TENT5B: variants seen among roughly 807,000 people sequenced by gnomAD.
TENT5B encodes the protein terminal nucleotidyltransferase 5B.
A neutral mutation model predicts 21.7 loss-of-function variants in TENT5B; 12 were observed. That is an observed-to-expected ratio of 0.55 (90% CI 0.36 to 0.90). The LOEUF is 0.90. TENT5B is among the 40% of genes least tolerant of loss of function. The probability of loss-of-function intolerance (pLI) is 0.01; values close to 1 mark genes in which losing one functional copy is unlikely to be tolerated. For synonymous variants in TENT5B, 262 were observed against 266.6 expected (o/e 0.98, Z 0.17); for missense variants, 540 against 601.5 (o/e 0.90, Z 1.07).
Position 27,006,768 on chromosome 1 carries a change from G to C in TENT5B, c.454C>G (p.Leu152Val). Residue 152 changes from leucine (L) to valine (V), a missense_variant, in exon 2 of 2, where the codon CTA (leucine) becomes GTA (valine). By Grantham distance (32) the Leu-to-Val change is conservative. Coordinates refer to ENST00000289166, the MANE Select transcript of TENT5B (RefSeq NM_052943.4). The surrounding 1 kb of genome is among the most constrained non-coding windows in gnomAD (Gnocchi z 9.4). Reference protein sequence around the residue: ...LTKAVVLACLLDFLPAGVSRA... With the variant: ...LTKAVVLACLVDFLPAGVSRA... ...CTCACACCGGCCGGCAGGAAGTCTA[G>C]TAGGCAGGCCAGCACCACTGCCTTG... 6.2e-7 allele frequency: 1 copy of C among 1,614,102 alleles called. No homozygotes were observed. Among genetic ancestry groups the C allele is most frequent in the Non-Finnish European group, 8.5e-7 (1 of 1,180,036 alleles).
Position 27,012,507 on chromosome 1 carries a change from G to T in TENT5B, c.164C>A (p.Pro55Gln). The T allele has an allele frequency of 1.2e-6, 2 of 1,608,064 alleles. No homozygotes were observed. The highest frequency in any genetic ancestry group is 8.5e-7 in the Non-Finnish European group (1 of 1,179,460). ...AAGAGCGTCCAGTCGCTTCACCTGTGGCCAGCTCAGCCCACTCAGGTGCCG... is the reference window on the plus strand; with the variant it reads ...AAGAGCGTCCAGTCGCTTCACCTGTTGCCAGCTCAGCCCACTCAGGTGCCG... ...PGRHLSGLSW[P>Q]QVKRLDALLS... Residue 55 changes from proline (P) to glutamine (Q), a missense_variant, in exon 1 of 2, where the codon CCA (proline) becomes CAA (glutamine). Transcript: ENST00000289166.
chr1:27,012,804 A>T lies in TENT5B; in HGVS notation c.-134T>A. The T allele has an allele frequency of 8.4e-7, 1 of 1,188,200 alleles. No individual in the cohort carries two copies. Among genetic ancestry groups the T allele is most frequent in the Non-Finnish European group, 1.1e-6 (1 of 905,026 alleles). The allele number at this position is 1,188,200 out of a possible 1,614,324, so 73.6% of individuals were successfully genotyped here. Reference sequence around the variant, plus strand: ...CGGGGCGGCAACGACGGCGAGACAAAGCCAGGGAACACCTCAGACGGCGAC... The same window carrying T: ...CGGGGCGGCAACGACGGCGAGACAATGCCAGGGAACACCTCAGACGGCGAC... On this transcript the variant is annotated 5_prime_UTR_variant, in exon 1 of 2. Transcript: ENST00000289166.
At position 27,005,938 on chromosome 1, in the gene TENT5B, T is replaced by G. The variant is rs2082594372; in HGVS notation, c.*6A>C. The G allele has an allele frequency of 1.3e-6, 2 of 1,550,314 alleles. No homozygotes were observed. The highest frequency in any genetic ancestry group is 8.7e-7 in the Non-Finnish European group (1 of 1,144,490). On this transcript the variant is annotated 3_prime_UTR_variant, in exon 2 of 2. Coordinates refer to ENST00000289166, the MANE Select transcript of TENT5B (RefSeq NM_052943.4). ...CCAGTCCCTTCCCTTCTGGCCAGGG[T>G]CTGAGTCAGTTACAAGGCAGCCAGG...
In TENT5B at chr1:27,012,704, G is replaced by C. The variant is rs775918408; in HGVS notation, c.-34C>G. 9.7e-6 allele frequency: 14 copies of C among 1,445,538 alleles called. No homozygotes were observed. The Middle Eastern group carries it at 1.2e-3, about 128-fold the overall frequency. 89.5% of individuals were successfully genotyped at this position (1,445,538 alleles called of 1,614,324 possible). A position where few individuals can be genotyped will look rare whatever the true frequency, so the allele number is the denominator to read the frequency against. On this transcript the variant is annotated 5_prime_UTR_variant, in exon 1 of 2. Transcript: ENST00000289166. ...CCCCCGGGCCCCGACGGCAGAAACC[G>C]TGGGGGTGGTTAAGGGGAGGAGGAC...
chr1:27,007,751 T>G (rs920232817), intron 1 of TENT5B, among the ~76,000 whole-genome samples: 5 of 152,194 alleles, frequency 3.3e-5, no homozygotes, highest in African/African-American at 1.2e-4. Flanking sequence ...TCAGGCACTG[T>G]GCTAACTGCT....
chr1:27,010,019 C>T (rs776396440), intron 1 of TENT5B, among the ~76,000 whole-genome samples: 4 of 152,254 alleles, frequency 2.6e-5, no homozygotes, highest in Non-Finnish European at 4.4e-5. Flanking sequence ...CACTCTGCTC[C>T]AGGCTGCTGC....
At chr1:27,009,826 G>T (rs1403319187) in intron 1 of TENT5B, among the ~76,000 whole-genome samples, 1 of 152,248 alleles carries the variant, frequency 6.6e-6, no homozygotes, top group East Asian at 1.9e-4. Flanking sequence ...AGCTGTGTCA[G>T]CCAGCCAGTC....
chr1:27,006,115 A>C lies in TENT5B; in HGVS notation c.1107T>G (p.Ile369Met), dbSNP rs2082596782. 1 of 1,608,784 alleles carries C rather than the reference A, an allele frequency of 6.2e-7. No individual in the cohort carries two copies. Among genetic ancestry groups the C allele is most frequent in the South Asian group, 1.1e-5 (1 of 90,760 alleles). ...NHERRQTLDL[I>M]AALALQALAE... ...CCAGTGCCTGCAGCGCCAGTGCGGC[A>C]ATGAGGTCCAGCGTCTGGCGGCGCT... is the stretch of plus-strand genomic sequence containing the variant. Residue 369 changes from isoleucine to methionine, a missense_variant, in exon 2 of 2, where the codon ATT becomes ATG. By Grantham distance (10) the Ile-to-Met change is conservative (BLOSUM62 1). Coordinates refer to ENST00000289166, the MANE Select transcript of TENT5B (RefSeq NM_052943.4). The surrounding 1 kb of genome is among the most constrained non-coding windows in gnomAD (Gnocchi z 9.4).
intron 1 of TENT5B, among the ~76,000 whole-genome samples, chr1:27,011,309 G>C (rs1307537062): frequency 6.6e-6 from 1 of 152,150 alleles, no homozygotes; most frequent in African/African-American, 2.4e-5. Context: ...GGAGGCAGGG[G>C]AAAGGCCTAC....
At position 27,006,376 on chromosome 1, in the gene TENT5B, G is replaced by C; in HGVS notation, c.846C>G (p.Tyr282Ter). ...EEIRGGGLLK[Y>*]CHLLVRGFRP... ...GGAAGCCCCGCACCAGGAGGTGGCA[G>C]TACTTGAGGAGGCCACCACCTCGGA... The change falls in exon 2 of 2, where the codon TAC (tyrosine) becomes TAG (stop). Residue 282 changes from tyrosine to a stop codon, truncating the protein, a stop_gained. Coordinates refer to ENST00000289166, the MANE Select transcript of TENT5B (RefSeq NM_052943.4). LOFTEE classifies it high-confidence loss of function. This position sits in a 1 kb window ranked among gnomAD's most constrained non-coding sequence, Gnocchi z 9.4. The C allele has an allele frequency of 6.2e-7, 1 of 1,612,402 alleles. No individual in the cohort carries two copies. Among genetic ancestry groups the C allele is most frequent in the Non-Finnish European group, 8.5e-7 (1 of 1,179,380 alleles).
At chr1:27,012,073 G>A (rs976611587) in intron 1 of TENT5B, among the ~76,000 whole-genome samples, 5 of 152,122 alleles carry the variant, frequency 3.3e-5, no homozygotes, top group Non-Finnish European at 5.9e-5. Context: ...CCCACCCAGG[G>A]CCACCTGGCG....
rs2124203632 is a variant in TENT5B at position 27,006,466 on chromosome 1, C to T, written c.756G>A (p.Gly252=). Residue 252 remains glycine (G), a synonymous_variant, in exon 2 of 2, where the codon GGG becomes GGA. Coordinates refer to ENST00000289166, the MANE Select transcript of TENT5B (RefSeq NM_052943.4). The surrounding 1 kb of genome is among the most constrained non-coding windows in gnomAD (Gnocchi z 9.4). ...GGTGCTCCAGGGCCTCGGTGAAGTC[C>T]CCGTACAGGCTTTCGCCTGTGACCG... ...HPTVTGESLY[G]DFTEALEHLR... is the part of the protein sequence containing the mutation. 1.9e-6 allele frequency: 3 copies of T among 1,613,954 alleles called. No individual in the cohort carries two copies. The highest frequency in any genetic ancestry group is 2.5e-6 in the Non-Finnish European group (3 of 1,179,972).
Position 27,012,495 on chromosome 1 carries a change from C to T in TENT5B, c.176G>A (p.Arg59Gln). Residue 59 changes from arginine (R) to glutamine (Q), a missense_variant, in exon 1 of 2, where the codon CGA becomes CAA. Physicochemically the swap from Arg to Gln is conservative, Grantham distance 43 (BLOSUM62 1). Coordinates refer to ENST00000289166, the MANE Select transcript of TENT5B (RefSeq NM_052943.4). ...CGGCTCGCTCAGAAGAGCGTCCAGT[C>T]GCTTCACCTGTGGCCAGCTCAGCCC... ...LSGLSWPQVK[R>Q]LDALLSEPIP... 1.2e-6 allele frequency: 2 copies of T among 1,609,332 alleles called. No homozygotes were observed. The highest frequency in any genetic ancestry group is 1.7e-6 in the Non-Finnish European group (2 of 1,179,552).
intron 1 of TENT5B, among the ~76,000 whole-genome samples, chr1:27,007,346 C>T (rs2082605715): frequency 6.6e-6 from 1 of 151,580 alleles, no homozygotes; most frequent in African/African-American, 2.4e-5. Flanking sequence ...AGCTCAAAGG[C>T]AAACAGCTGG....
rs1438838013 is a variant in TENT5B, at chr1:27,006,445, C to T, written c.777G>A (p.Glu259=). ...SLYGDFTEAL[E]HLRHRVIATR... is the part of the protein sequence containing the mutation. Reference sequence around the variant, plus strand: ...TGGCGATGACACGGTGCCGCAGGTGCTCCAGGGCCTCGGTGAAGTCCCCGT... The same window carrying T: ...TGGCGATGACACGGTGCCGCAGGTGTTCCAGGGCCTCGGTGAAGTCCCCGT... Residue 259 remains glutamate, a synonymous_variant, in exon 2 of 2, where the codon GAG becomes GAA. Coordinates refer to ENST00000289166, the MANE Select transcript of TENT5B (RefSeq NM_052943.4). This position sits in a 1 kb window ranked among gnomAD's most constrained non-coding sequence, Gnocchi z 9.4. The T allele has an allele frequency of 1.2e-6, 2 of 1,613,652 alleles. No homozygotes were observed. The highest frequency in any genetic ancestry group is 2.2e-5 in the South Asian group (2 of 91,068).
chr1:27,007,825 C>A (rs1557703177), intron 1 of TENT5B, among the ~76,000 whole-genome samples: 2 of 152,098 alleles, frequency 1.3e-5, no homozygotes, highest in South Asian at 4.1e-4. Flanking sequence ...CCCCATAATC[C>A]TACATTTGAG....
At chr1:27,007,626 G>A (rs989471841) in intron 1 of TENT5B, among the ~76,000 whole-genome samples, 18 of 152,098 alleles carry the variant, frequency 1.2e-4, no homozygotes, top group South Asian at 1.0e-3. Context: ...TCCTGACCTC[G>A]TGATCCACAC....
At chr1:27,008,906 C>CTT (rs71582831) in intron 1 of TENT5B, among the ~76,000 whole-genome samples, 36 of 124,946 alleles carry the variant, frequency 2.9e-4, no homozygotes, top group Middle Eastern at 4.8e-3. Flanking sequence ...CAGGCCAAGT[C>CTT]TTTTTTTTTT....
intron 1 of TENT5B, among the ~76,000 whole-genome samples, 153 bp from the exon 2 acceptor site, chr1:27,007,110 G>A (rs12408364): frequency 1.5e-5 from 2 of 134,538 alleles, no homozygotes; most frequent in East Asian, 5.2e-4. Flanking sequence ...TTTTTATTGG[G>A]TGGGGGTGGG....
Sources: allele counts gnomAD v4.1 joint callset (sites outside exome capture counted in the v4.1 genomes callset), GRCh38; gene constraint gnomAD v4.1.1; non-coding constraint Gnocchi (gnomAD v3.1); transcripts MANE v1.5; gene names NCBI Gene and HGNC (gene_info 2026-07-23, HGNC 2026-07-21).